PCDH15: variants seen among roughly 807,000 people sequenced by gnomAD.
PCDH15 encodes the protein protocadherin related 15, also known as protocadherin-15.
Under a neutral mutation model 178.5 loss-of-function variants are expected in PCDH15, and 129 were observed. The ratio of observed to expected loss-of-function variants is 0.72; its 90% CI spans 0.63 to 0.84. The LOEUF (loss-of-function observed/expected upper bound fraction) is 0.84. Among genes scored for constraint, PCDH15 ranks in the 40% least tolerant of loss-of-function variants. The probability of loss-of-function intolerance (pLI) is 0.00; values close to 1 mark genes in which losing one functional copy is unlikely to be tolerated. For synonymous variants in PCDH15, 800 were observed against 732.0 expected (o/e 1.09, Z -1.50); for missense variants, 2,230 against 2,099.9 (o/e 1.06, Z -1.21).
At chr10:54,594,992 C>T (rs895734793) in intron 2 of PCDH15, among the ~76,000 whole-genome samples, 3 of 152,198 alleles carry the variant, frequency 2.0e-5, no homozygotes, top group African/African-American at 7.2e-5. Context: ...GCGCCCCATC[C>T]CTGTGCTAAC....
In PCDH15 at chr10:53,808,602, CCCTTT is replaced by C; in HGVS notation, c.4672-1477_4672-1473del. 6 of 1,485,046 alleles carry C rather than the reference CCCTTT, an allele frequency of 4.0e-6. No homozygotes were observed. In the South Asian group the frequency reaches 5.5e-5, roughly 14 times the overall value. The allele number at this position is 1,485,046 out of a possible 1,614,324, so 92.0% of individuals were successfully genotyped here. ...ATATCAAAATCTTGATCAATTTCCT[CCCTTT>C]CAAGTGTCACTTTGGAGAACACACA... is the stretch of plus-strand genomic sequence containing the variant. On this transcript the variant is annotated intron_variant, in intron 37 of 37. Transcript: ENST00000644397.
intron 8 of PCDH15, among the ~76,000 whole-genome samples, chr10:54,282,607 T>A (rs527393504): frequency 2.0e-5 from 3 of 151,978 alleles, no homozygotes; most frequent in Non-Finnish European, 4.4e-5. Flanking sequence ...TTTTTAATGT[T>A]GTATGTTGAT....
chr10:55,439,561 T>C (rs924055968), intron 2 of PCDH15, among the ~76,000 whole-genome samples: 2 of 151,290 alleles, frequency 1.3e-5, no homozygotes, highest in Non-Finnish European at 2.9e-5. Flanking sequence ...TAAATATGTA[T>C]CAGGTTGGTG....
rs918473867 is a variant in PCDH15, at chr10:53,822,624, G to GAA, written c.4368-2396_4368-2395dup. The stretch of plus-strand genomic sequence containing the variant: ...ATGTAAAACACAAGGCCTTGAAGGA[G>GAA]AAAGTTCCAAGGAACACTCAGCAGG... On this transcript the variant is annotated intron_variant, in intron 32 of 37. Transcript: ENST00000644397. 7 of 1,613,924 alleles carry GAA rather than the reference G, an allele frequency of 4.3e-6. No individual in the cohort carries two copies. In the African/African-American group the frequency reaches 8.0e-5, roughly 18 times the overall value.
At chr10:54,898,409 T>C (rs1954583630) in intron 2 of PCDH15, among the ~76,000 whole-genome samples, 1 of 152,148 alleles carries the variant, frequency 6.6e-6, no homozygotes, top group African/African-American at 2.4e-5. Context: ...AAAACTATAA[T>C]TTATTATGTT....
At chr10:55,472,483 T>A (rs1403664979) in intron 2 of PCDH15, among the ~76,000 whole-genome samples, 2 of 150,092 alleles carry the variant, frequency 1.3e-5, no homozygotes, top group East Asian at 1.9e-4. Context: ...TTTTTTTTTT[T>A]TTTTGAATGG....
At chr10:55,119,980 T>C (rs79324179) in intron 2 of PCDH15, among the ~76,000 whole-genome samples, 2 of 142,088 alleles carry the variant, frequency 1.4e-5, no homozygotes, top group African/African-American at 5.5e-5. Flanking sequence ...GTCTTAAATG[T>C]TTTTTTTTTT....
intron 16 of PCDH15, among the ~76,000 whole-genome samples, chr10:54,086,416 C>T (rs577341693): frequency 5.9e-5 from 9 of 152,196 alleles, no homozygotes; most frequent in Middle Eastern, 3.4e-3. Flanking sequence ...CATGAGGGAT[C>T]GAATTTCAAA....
At chr10:54,713,744 T>C (rs1191573673) in intron 1 of PCDH15, among the ~76,000 whole-genome samples, 1 of 152,152 alleles carries the variant, frequency 6.6e-6, no homozygotes, top group Non-Finnish European at 1.5e-5. Context: ...TTTACAGGTA[T>C]CTTATTTATT....
intron 2 of PCDH15, among the ~76,000 whole-genome samples, chr10:55,087,104 A>ATTAC (rs954153305): frequency 3.5e-4 from 53 of 152,266 alleles, no homozygotes; most frequent in African/African-American, 1.3e-3. Flanking sequence ...ACATGAGTAA[A>ATTAC]TTACTTGAGT....
At chr10:55,321,861 A>G (rs971048322), upstream of PCDH15, among the ~76,000 whole-genome samples, 1 of 152,222 alleles carries the variant, frequency 6.6e-6, no homozygotes, top group Non-Finnish European at 1.5e-5. Context: ...AGGAAGTTCT[A>G]AACATGGAAA....
At chr10:54,150,538 C>T (rs1197904283) in intron 14 of PCDH15, among the ~76,000 whole-genome samples, 1 of 151,840 alleles carries the variant, frequency 6.6e-6, no homozygotes, top group African/African-American at 2.4e-5. Flanking sequence ...CTGAATCCTA[C>T]TTTTTTTCTA....
intron 2 of PCDH15, among the ~76,000 whole-genome samples, chr10:55,475,130 G>A: frequency 6.6e-6 from 1 of 152,006 alleles, no homozygotes; most frequent in Non-Finnish European, 1.5e-5. Flanking sequence ...GGGGAGGGAG[G>A]TACCAGGCTC....
chr10:54,473,329 A>C (rs751651379), intron 3 of PCDH15, among the ~76,000 whole-genome samples: 3 of 152,170 alleles, frequency 2.0e-5, no homozygotes, highest in Non-Finnish European at 4.4e-5. Flanking sequence ...AAACATATCC[A>C]AAGATACTGG....
Position 55,308,656 on chromosome 10 carries a change from C to T in PCDH15, c.-156+10943G>A, listed in dbSNP as rs144472553. Among the ~76,000 whole-genome samples, 787 of 152,204 alleles carry T rather than the reference C, an allele frequency of 5.2e-3. 9 individuals carry two copies. The highest frequency in any genetic ancestry group is 0.018 in the African/African-American group (747 of 41,514). On this transcript the variant is annotated intron_variant, in intron 1 of 5. Transcript: ENST00000458638. ...CTTATATCTTAGGTGCCTCATTGTCCCTGTCCTCCCAGCATAGACTTAAAA... is the reference window on the plus strand; with the variant it reads ...CTTATATCTTAGGTGCCTCATTGTCTCTGTCCTCCCAGCATAGACTTAAAA...
intron 16 of PCDH15, among the ~76,000 whole-genome samples, chr10:54,086,479 T>C (rs2136014926): frequency 6.6e-6 from 1 of 152,192 alleles, no homozygotes; most frequent in East Asian, 1.9e-4. Flanking sequence ...GGATTGTTCA[T>C]ATCCTTGAAA....
chr10:54,019,448 A>C (rs974327533), intron 20 of PCDH15, among the ~76,000 whole-genome samples: 1 of 152,144 alleles, frequency 6.6e-6, no homozygotes, highest in Non-Finnish European at 1.5e-5. Flanking sequence ...CCCATGGGAC[A>C]GGTCCTTCTT....
intron 2 of PCDH15, among the ~76,000 whole-genome samples, chr10:54,965,061 C>T (rs186355858): frequency 6.6e-6 from 1 of 152,142 alleles, no homozygotes; most frequent in Non-Finnish European, 1.5e-5. Flanking sequence ...TAGCTATAAG[C>T]TGCATATTAA....
At chr10:55,002,950 C>A (rs538877936) in intron 2 of PCDH15, among the ~76,000 whole-genome samples, 4 of 152,220 alleles carry the variant, frequency 2.6e-5, no homozygotes, top group African/African-American at 9.6e-5. Context: ...GAAATTCTTA[C>A]CTTATGGTCA....
Sources: gnomAD v4.1 joint callset for allele counts (sites outside exome capture counted in the v4.1 genomes callset) on GRCh38, gnomAD v4.1.1 for gene constraint, MANE v1.5 for transcripts, NCBI Gene and HGNC (gene_info 2026-07-23, HGNC 2026-07-21) for gene names.